The following MUC7 variants were observed in gnomAD, a reference collection of about 807,000 sequenced individuals.
The protein encoded by MUC7 is mucin-7.
In MUC7, 2 loss-of-function variants were observed where a neutral mutation model predicts 2.5. That is an observed-to-expected ratio of 0.81 (90% confidence interval 0.33 to 2.55). MUC7 has a LOEUF of 2.55. Ranked by LOEUF, MUC7 falls within the 30% of genes most tolerant of loss-of-function variation. The pLI is 0.11. For missense variants in MUC7, 408 were observed against 455.6 expected, an observed-to-expected ratio of 0.90 and a Z score of 0.95; for synonymous variants, 133 against 173.4, an observed-to-expected ratio of 0.77 and a Z score of 1.83.
chr4:70,449,471 C>T (rs182398545), intron 1 of MUC7, among the ~76,000 whole-genome samples: 2 of 152,264 alleles, frequency 1.3e-5, no homozygotes, highest in South Asian at 2.1e-4. Flanking sequence ...TCAGTTATCT[C>T]CCACTGAGTC....
chr4:70,435,878 C>T (rs986642181), intron 1 of MUC7, among the ~76,000 whole-genome samples: 3 of 152,176 alleles, frequency 2.0e-5, no homozygotes, highest in African/African-American at 2.4e-5. Context: ...CCTTCAGGAA[C>T]TCTTGTAAGG....
chr4:70,465,988 C>T (rs1009417052), intron 1 of MUC7, among the ~76,000 whole-genome samples: 1 of 152,132 alleles, frequency 6.6e-6, no homozygotes, highest in African/African-American at 2.4e-5. Context: ...GTGTTAAGGG[C>T]AGCCAGAGAG....
At chr4:70,436,291 G>C (rs949645492) in intron 1 of MUC7, among the ~76,000 whole-genome samples, 1 of 152,184 alleles carries the variant, frequency 6.6e-6, no homozygotes, top group Non-Finnish European at 1.5e-5. Context: ...ATCCTGAAGA[G>C]TGTTTTCTAA....
intron 2 of MUC7, among the ~76,000 whole-genome samples, chr4:70,474,640 A>G (rs957968063): frequency 5.9e-5 from 9 of 152,326 alleles, no homozygotes; most frequent in African/African-American, 1.9e-4. Flanking sequence ...TCTATAGAGC[A>G]CAAACTTTAT....
chr4:70,442,256 G>T (rs1319366205), intron 1 of MUC7, among the ~76,000 whole-genome samples: 1 of 152,156 alleles, frequency 6.6e-6, no homozygotes, highest in Non-Finnish European at 1.5e-5. Context: ...TTCTCCTAAT[G>T]ATAAAGTAAT....
intron 1 of MUC7, among the ~76,000 whole-genome samples, chr4:70,431,503 A>C (rs1245851690): frequency 1.3e-5 from 2 of 152,086 alleles, no homozygotes; most frequent in Non-Finnish European, 2.9e-5. Flanking sequence ...GGGGTGGGAG[A>C]TGAATATACA....
chr4:70,471,375 C>A (rs534100999), upstream of MUC7, among the ~76,000 whole-genome samples: 2 of 152,120 alleles, frequency 1.3e-5, no homozygotes, highest in South Asian at 2.1e-4. Flanking sequence ...CTGGTAGGAA[C>A]AAAATGACTA....
chr4:70,481,576 C>T lies in MUC7; in HGVS notation c.832C>T (p.Pro278Ser), dbSNP rs755872462. Reference sequence around the variant, plus strand: ...AGACCCATCATCCGCCTCAGCTCCACCAGAGACCACAGCTGCCCCACCCAC... The same window carrying T: ...AGACCCATCATCCGCCTCAGCTCCATCAGAGACCACAGCTGCCCCACCCAC... ...TLDPSSASAP[P>S]ETTAAPPTPS... Residue 278 changes from proline (P) to serine (S), a missense_variant, in exon 3 of 3, where the codon CCA becomes TCA. By Grantham distance (74) the Pro-to-Ser change is moderately conservative (BLOSUM62 -1). Coordinates refer to ENST00000304887, the MANE Select transcript of MUC7 (RefSeq NM_152291.3). 1.9e-6 allele frequency: 3 copies of T among 1,612,874 alleles called. No homozygotes were observed. The highest frequency in any genetic ancestry group is 2.5e-6 in the Non-Finnish European group (3 of 1,179,892).
At position 70,431,239 on chromosome 4, in the gene MUC7, T is replaced by C. The variant is rs549145495; in HGVS notation, c.-93+552T>C. Among the ~76,000 whole-genome samples, 480 of 150,386 alleles carry C rather than the reference T, an allele frequency of 3.2e-3. 4 individuals carry two copies. Among genetic ancestry groups the C allele is most frequent in the African/African-American group, 0.011 (436 of 41,020 alleles). On this transcript the variant is annotated intron_variant, in intron 1 of 3. Coordinates refer to the MUC7 transcript ENST00000413702. The stretch of plus-strand genomic sequence containing the variant: ...AAAAATGTTTTTACAATAGACTTTT[T>C]TCTTTGTATTGTATTTACTTTTTTT...
At chr4:70,433,967 C>T (rs1031334114) in intron 1 of MUC7, among the ~76,000 whole-genome samples, 4 of 152,152 alleles carry the variant, frequency 2.6e-5, no homozygotes, top group Non-Finnish European at 5.9e-5. Flanking sequence ...GCCTTTTCTG[C>T]ATCTATTGAG....
At chr4:70,476,519 A>G (rs1043045542) in intron 2 of MUC7, among the ~76,000 whole-genome samples, 10 of 152,202 alleles carry the variant, frequency 6.6e-5, no homozygotes, top group Admixed American at 2.6e-4. Context: ...CTTGAATATG[A>G]GAAGGTAGCA....
intron 1 of MUC7, among the ~76,000 whole-genome samples, chr4:70,461,036 C>T (rs1734544708): frequency 6.6e-6 from 1 of 152,152 alleles, no homozygotes; most frequent in Non-Finnish European, 1.5e-5. Context: ...ATGTGGACCA[C>T]TGAAGGTCTC....
intron 1 of MUC7, among the ~76,000 whole-genome samples, chr4:70,451,300 C>T (rs1019742916): frequency 6.6e-6 from 1 of 152,204 alleles, no homozygotes; most frequent in Admixed American, 6.5e-5. Context: ...CTCTCCACAC[C>T]ACATGGTGAC....
chr4:70,440,705 C>T (rs936100151), intron 1 of MUC7, among the ~76,000 whole-genome samples: 12 of 151,762 alleles, frequency 7.9e-5, no homozygotes, highest in African/African-American at 2.9e-4. Context: ...CACATGTACC[C>T]TGAAAATATG....
chr4:70,472,370 A>G (rs1734856690), intron 1 of MUC7, 79 bp downstream of exon 1: 1 of 152,242 alleles, frequency 6.6e-6, no homozygotes, highest in African/African-American at 2.4e-5. Flanking sequence ...TAATAGCAAT[A>G]GTTGTTCTAA....
At chr4:70,438,514 T>C (rs1475098842) in intron 1 of MUC7, among the ~76,000 whole-genome samples, 1 of 152,138 alleles carries the variant, frequency 6.6e-6, no homozygotes, top group Non-Finnish European at 1.5e-5. Context: ...TGGAGTGCAG[T>C]GGCGCAATCT....
chr4:70,433,490 T>C (rs1256002266), intron 1 of MUC7, among the ~76,000 whole-genome samples: 2 of 152,156 alleles, frequency 1.3e-5, no homozygotes, highest in South Asian at 4.1e-4. Context: ...TTCTTTGTAG[T>C]AATTGTGAAT....
chr4:70,472,822 T>G (rs1734870881), intron 1 of MUC7, among the ~76,000 whole-genome samples: 1 of 152,172 alleles, frequency 6.6e-6, no homozygotes, highest in Non-Finnish European at 1.5e-5. Flanking sequence ...TATTGTAAAG[T>G]GTGTCTAATC....
intron 1 of MUC7, among the ~76,000 whole-genome samples, chr4:70,446,355 G>C (rs997353273): frequency 2.6e-5 from 4 of 152,140 alleles, no homozygotes; most frequent in African/African-American, 9.7e-5. Context: ...TATAGGCTAG[G>C]GGTCTGAAAT....
Sources: gnomAD v4.1 joint callset for allele counts (sites outside exome capture counted in the v4.1 genomes callset) on GRCh38, gnomAD v4.1.1 for gene constraint, MANE v1.5 for transcripts, NCBI Gene and HGNC (gene_info 2026-07-23, HGNC 2026-07-21) for gene names.